Variants in ICA1L observed in about 807,000 individuals in gnomAD.
ICA1L encodes islet cell autoantigen 1-like protein.
In ICA1L, 50 loss-of-function variants were observed where a neutral mutation model predicts 61.3. The ratio of observed to expected loss-of-function variants is 0.82; its 90% CI spans 0.65 to 1.03. The LOEUF is 1.03. Among genes scored for constraint, ICA1L ranks in the 50% least tolerant of loss-of-function variants. The pLI is 0.00. For synonymous variants in ICA1L, 161 were observed against 191.3 expected (o/e 0.84, Z 1.31); for missense variants, 508 against 556.7 (o/e 0.91, Z 0.88).
chr2:202,782,616 C>G (rs1036706625), intron 12 of ICA1L, among the ~76,000 whole-genome samples: 1 of 151,924 alleles, frequency 6.6e-6, no homozygotes, highest in South Asian at 2.1e-4. Flanking sequence ...ACCATGTTGG[C>G]CAGGCTGGTC....
In ICA1L at chr2:202,815,905, A is replaced by G. The variant is rs752564942; in HGVS notation, c.783+6T>C. On this transcript the variant is annotated splice_donor_region_variant and intron_variant, in intron 7 of 12. Coordinates refer to ENST00000358299, the MANE Select transcript of ICA1L (RefSeq NM_001288622.3). ...TCTAAACAAGAGAACATGGAACACAATGTACCTTGAGAGCTACAAAATCAT... is the reference window on the plus strand; with the variant it reads ...TCTAAACAAGAGAACATGGAACACAGTGTACCTTGAGAGCTACAAAATCAT... The G allele has an allele frequency of 1.6e-5, 24 of 1,536,456 alleles. No homozygotes were observed. Among genetic ancestry groups the G allele is most frequent in the Middle Eastern group, 1.7e-4 (1 of 5,848 alleles).
chr2:202,809,394 A>G (rs1693312989), intron 9 of ICA1L, among the ~76,000 whole-genome samples: 1 of 152,114 alleles, frequency 6.6e-6, no homozygotes, highest in African/African-American at 2.4e-5. Context: ...CCACGCCTGT[A>G]ATCCCAGTAC....
intron 1 of ICA1L, chr2:202,860,292 A>G (rs1694875912): frequency 1.4e-5 from 2 of 144,286 alleles, no homozygotes; most frequent in Non-Finnish European, 3.0e-5. Context: ...TAATAATAAT[A>G]ATAATGATAA....
chr2:202,834,190 A>G (rs1253965551), intron 1 of ICA1L, among the ~76,000 whole-genome samples: 1 of 152,234 alleles, frequency 6.6e-6, no homozygotes, highest in Non-Finnish European at 1.5e-5. Flanking sequence ...TTGAAGTAAA[A>G]TTTTAACAAA....
chr2:202,810,892 C>T (rs540190678), intron 9 of ICA1L, among the ~76,000 whole-genome samples: 132 of 152,194 alleles, frequency 8.7e-4, no homozygotes, highest in Middle Eastern at 3.4e-3. Context: ...CTTATTAGGA[C>T]GAGGAAATTC....
Position 202,828,987 on chromosome 2 carries a change from C to T in ICA1L, c.23G>A (p.Arg8Lys), listed in dbSNP as rs1489565088. 3 of 1,588,626 alleles carry T rather than the reference C, an allele frequency of 1.9e-6. No homozygotes were observed. The highest frequency in any genetic ancestry group is 2.6e-6 in the Non-Finnish European group (3 of 1,170,412). Residue 8 changes from arginine to lysine, a missense_variant, in exon 2 of 13, where the codon AGA (arginine) becomes AAA (lysine). Transcript: ENST00000358299. MDSFGQP[R>K]PEDNQSVVRR... Reference sequence around the variant, plus strand: ...GACTACTGACTGATTATCTTCTGGTCTGGGTTGCCCAAAGGAATCCATGGA... The same window carrying T: ...GACTACTGACTGATTATCTTCTGGTTTGGGTTGCCCAAAGGAATCCATGGA...
rs57535958 is a variant in ICA1L at position 202,839,558 on chromosome 2, CTGTGTGTGTGTGTGTGTGTGTGTGTG to C, written c.-7-10568_-7-10543del. ...TCTTCCAGGCAGCATACAGTTAAGT[CTGTGTGTGTGTGTGTGTGTGTGTGTG>C]TGTGTGTGTGTGTGTGTGTGTGTGT... is the stretch of plus-strand genomic sequence containing the variant. On this transcript the variant is annotated intron_variant, in intron 1 of 12. Coordinates refer to ENST00000358299, the MANE Select transcript of ICA1L (RefSeq NM_001288622.3). 1.9e-3 allele frequency among the ~76,000 whole-genome samples: 215 copies of C among 114,426 alleles called. 2 individuals carry two copies. Among genetic ancestry groups the C allele is most frequent in the East Asian group, 7.5e-3 (28 of 3,736 alleles). 75.1% of individuals were successfully genotyped at this position (114,426 alleles called of 152,430 possible).
intron 11 of ICA1L, chr2:202,786,526 G>C (rs375782486): frequency 5.0e-5 from 11 of 221,272 alleles, no homozygotes; most frequent in Non-Finnish European, 7.2e-5. Context: ...TCCGCAGTCC[G>C]GCCTGGGCGA....
At chr2:202,789,976 G>A (rs1298713379) in intron 10 of ICA1L, among the ~76,000 whole-genome samples, 1 of 152,178 alleles carries the variant, frequency 6.6e-6, no homozygotes, top group Non-Finnish European at 1.5e-5. Flanking sequence ...GCATGATAAG[G>A]AAGTCCCCTC....
chr2:202,825,954 TGA>T (rs777369683), intron 2 of ICA1L, among the ~76,000 whole-genome samples, 187 bp from the exon 3 acceptor site: 2 of 152,136 alleles, frequency 1.3e-5, no homozygotes, highest in Admixed American at 1.3e-4. Flanking sequence ...CATTCCCCCA[TGA>T]GAGCTGGAAA....
chr2:202,841,361 G>T, intron 1 of ICA1L: 1 of 851,162 alleles, frequency 1.2e-6, no homozygotes, highest in South Asian at 1.3e-5. Context: ...TGTAGCTCTC[G>T]AACATGTTGT....
intron 1 of ICA1L, among the ~76,000 whole-genome samples, chr2:202,852,326 T>C (rs984365795): frequency 6.6e-6 from 1 of 152,144 alleles, no homozygotes; most frequent in Admixed American, 6.5e-5. Context: ...ATTGCCACAC[T>C]GTCTTCCACA....
intron 1 of ICA1L, among the ~76,000 whole-genome samples, chr2:202,841,975 C>T (rs540702555): frequency 5.0e-4 from 76 of 151,920 alleles, no homozygotes; most frequent in African/African-American, 1.7e-3. Flanking sequence ...CTTAGTCTCC[C>T]GAGTAGCTGG....
chr2:202,841,287 A>G, intron 1 of ICA1L: 1 of 743,724 alleles, frequency 1.3e-6, no homozygotes, highest in Non-Finnish European at 2.5e-6. Context: ...CATGTTGCCA[A>G]GCTCTGCCTC....
chr2:202,798,111 T>C (rs1000218896), intron 9 of ICA1L, among the ~76,000 whole-genome samples: 10 of 152,260 alleles, frequency 6.6e-5, no homozygotes, highest in African/African-American at 2.4e-4. Flanking sequence ...AGGATTTCCT[T>C]CTTTTTGAAG....
intron 1 of ICA1L, among the ~76,000 whole-genome samples, chr2:202,857,458 CT>C (rs1200752572): frequency 3.9e-5 from 6 of 151,982 alleles, no homozygotes; most frequent in Admixed American, 3.9e-4. Context: ...TTCCTCACAC[CT>C]TATATAAAAA....
At chr2:202,790,190 G>C (rs1692704155) in intron 10 of ICA1L, among the ~76,000 whole-genome samples, 1 of 151,866 alleles carries the variant, frequency 6.6e-6, no homozygotes, top group African/African-American at 2.4e-5. Flanking sequence ...TTTACCTTTT[G>C]ACAATAGAAT....
chr2:202,777,395 C>G lies in ICA1L; in HGVS notation c.*2138G>C, dbSNP rs1692259762. On this transcript the variant is annotated 3_prime_UTR_variant, in exon 13 of 13. Transcript: ENST00000358299. Reference sequence around the variant, plus strand: ...TGAGGCACTCAAAAGTTGAGAGCATCAGAGTCACCATGGGTATAGAATTCA... The same window carrying G: ...TGAGGCACTCAAAAGTTGAGAGCATGAGAGTCACCATGGGTATAGAATTCA... The G allele has an allele frequency of 6.6e-6, 1 of 152,132 alleles. No individual in the cohort carries two copies. Among genetic ancestry groups the G allele is most frequent in the Non-Finnish European group, 1.5e-5 (1 of 68,068 alleles). The allele number at this position is 152,132 out of a possible 1,614,324, so 9.4% of individuals were successfully genotyped here.
chr2:202,795,139 G>A (rs1692887697), intron 10 of ICA1L, among the ~76,000 whole-genome samples: 1 of 142,344 alleles, frequency 7.0e-6, no homozygotes, highest in African/African-American at 2.6e-5. Flanking sequence ...CTACAGGCAT[G>A]CGCCACCATG....
Sources: allele counts gnomAD v4.1 joint callset (sites outside exome capture counted in the v4.1 genomes callset), GRCh38; gene constraint gnomAD v4.1.1; transcripts MANE v1.5; gene names NCBI Gene and HGNC (gene_info 2026-07-23, HGNC 2026-07-21).